Variants in COL15A1 observed in about 807,000 individuals in gnomAD.
COL15A1 encodes collagen alpha-1(XV) chain.
In COL15A1, 111 loss-of-function variants were observed where a neutral mutation model predicts 165.9. The observed-to-expected ratio is 0.67, with a 90% CI of 0.57 to 0.78. The LOEUF (loss-of-function observed/expected upper bound fraction) is 0.78. Ranked by LOEUF, COL15A1 falls within the 30% of genes least tolerant of loss-of-function variation. COL15A1 has a pLI of 0.00. For synonymous variants in COL15A1, 659 were observed against 674.8 expected, an observed-to-expected ratio of 0.98 and a Z score of 0.36; for missense variants, 1,745 against 1,789.7, an observed-to-expected ratio of 0.98 and a Z score of 0.45.
At position 98,998,811 on chromosome 9, in the gene COL15A1, T is replaced by C. The variant is rs1171307515; in HGVS notation, c.952+1730T>C. ...TGTTCCCGGGATCAGCCACACTCCT[T>C]ATCTAGCAGACAAAAGGTCAGTTGA... On this transcript the variant is annotated intron_variant, in intron 6 of 41. Coordinates refer to ENST00000375001, the MANE Select transcript of COL15A1 (RefSeq NM_001855.5). 2.0e-5 allele frequency among the ~76,000 whole-genome samples: 3 copies of C among 152,214 alleles called. No individual in the cohort carries two copies. In the East Asian group the frequency reaches 5.8e-4, roughly 29 times the overall value.
At chr9:99,003,401 C>T in intron 7 of COL15A1, 52 bp from the exon 8 acceptor site, 1 of 1,377,302 alleles carries the variant, frequency 7.3e-7, no homozygotes. Context: ...CAGCCACAGG[C>T]ATGTTGATGG....
chr9:98,990,956 G>C (rs1838411854), intron 5 of COL15A1, among the ~76,000 whole-genome samples: 1 of 152,072 alleles, frequency 6.6e-6, no homozygotes, highest in South Asian at 2.1e-4. Flanking sequence ...CTTCTGGTGG[G>C]TTCCTGGTCT....
chr9:99,028,882 G>A (rs937637712), intron 16 of COL15A1, among the ~76,000 whole-genome samples: 1 of 152,112 alleles, frequency 6.6e-6, no homozygotes, highest in Non-Finnish European at 1.5e-5. Flanking sequence ...ACCTCAAAAA[G>A]AATTTATCAA....
chr9:99,007,307 T>C (rs1185114085), intron 9 of COL15A1, among the ~76,000 whole-genome samples: 2 of 152,226 alleles, frequency 1.3e-5, no homozygotes, highest in Non-Finnish European at 2.9e-5. Context: ...AGATACCTTT[T>C]AAAGGAATAG....
chr9:98,959,431 A>T (rs1473469419), intron 2 of COL15A1, among the ~76,000 whole-genome samples: 1 of 151,912 alleles, frequency 6.6e-6, no homozygotes. Context: ...CCATTCCATG[A>T]ACTAAAGCAA....
intron 2 of COL15A1, among the ~76,000 whole-genome samples, chr9:98,962,646 T>C (rs2118804754): frequency 6.6e-6 from 1 of 152,352 alleles, no homozygotes; most frequent in East Asian, 1.9e-4. Context: ...CTCAGGTTTA[T>C]CTGATGACAG....
chr9:99,004,989 T>C lies in COL15A1; in HGVS notation c.1292T>C (p.Val431Ala), dbSNP rs1588511146. The C allele has an allele frequency of 6.2e-7, 1 of 1,613,884 alleles. No individual in the cohort carries two copies. Among genetic ancestry groups the C allele is most frequent in the African/African-American group, 1.3e-5 (1 of 75,002 alleles). ...CCTGGGGAAGTGGAGGCCAGTGGTGTGGCCCCCGGGGAGCTGGACCTCTCC... is the reference window on the plus strand; with the variant it reads ...CCTGGGGAAGTGGAGGCCAGTGGTGCGGCCCCCGGGGAGCTGGACCTCTCC... ...SMPGEVEASGVAPGELDLSMS... is the reference protein window; with the variant it reads ...SMPGEVEASGAAPGELDLSMS... Residue 431 changes from valine (V) to alanine (A), a missense_variant, in exon 9 of 42, where the codon GTG becomes GCG. Transcript: ENST00000375001.
chr9:99,028,136 C>A (rs1218956822), intron 16 of COL15A1, among the ~76,000 whole-genome samples: 1 of 152,178 alleles, frequency 6.6e-6, no homozygotes, highest in Non-Finnish European at 1.5e-5. Context: ...GTGAAATCAG[C>A]CTCCTTTCTC....
chr9:99,000,856 A>C lies in COL15A1; in HGVS notation c.970A>C (p.Asn324His). Residue 324 changes from asparagine (N) to histidine (H), a missense_variant, in exon 7 of 42, where the codon AAT becomes CAT. Transcript: ENST00000375001. The part of the protein sequence containing the change: ...SPKQGSGEIL[N>H]DTLEGVHSVD... The stretch of plus-strand genomic sequence containing the variant: ...TCCTGTAGGGTCTGGTGAGATCCTG[A>C]ATGACACACTGGAGGGGGTTCATTC... The C allele has an allele frequency of 6.3e-7, 1 of 1,580,882 alleles. No homozygotes were observed. The highest frequency in any genetic ancestry group is 8.7e-7 in the Non-Finnish European group (1 of 1,150,620).
intron 15 of COL15A1, among the ~76,000 whole-genome samples, chr9:99,025,584 A>G (rs1839109754): frequency 6.6e-6 from 1 of 152,232 alleles, no homozygotes; most frequent in East Asian, 1.9e-4. Flanking sequence ...ACACAGATTC[A>G]TAAAGAATCT....
At chr9:98,974,836 G>A (rs1185133766) in intron 2 of COL15A1, among the ~76,000 whole-genome samples, 1 of 152,204 alleles carries the variant, frequency 6.6e-6, no homozygotes, top group Admixed American at 6.5e-5. Flanking sequence ...AGGCGTGTGT[G>A]GGAATGGTAG....
chr9:98,952,685 C>T lies in COL15A1; in HGVS notation c.100+8435C>T, dbSNP rs184816164. Among the ~76,000 whole-genome samples, 130 of 152,276 alleles carry T rather than the reference C, an allele frequency of 8.5e-4. 2 individuals are homozygous for T. Among genetic ancestry groups the T allele is most frequent in the Admixed American group, 7.1e-3 (108 of 15,306 alleles). On this transcript the variant is annotated intron_variant, in intron 2 of 41. Coordinates refer to ENST00000375001, the MANE Select transcript of COL15A1 (RefSeq NM_001855.5). ...TACAGGCATGAGCCACCACACTTGG[C>T]CAGATTAGGGTATAATCTAAAGCCA...
At chr9:99,015,893 G>A in intron 10 of COL15A1, 83 bp from the exon 11 acceptor site, 2 of 1,519,422 alleles carry the variant, frequency 1.3e-6, no homozygotes, top group African/African-American at 2.7e-5. Flanking sequence ...AACTGGGCTG[G>A]CACCACAGAA....
chr9:99,047,788 G>A lies in COL15A1; in HGVS notation c.2682G>A (p.Gly894=), dbSNP rs745508197. ...PGMHGAPGPM[G]PKGPPGHKGE... Reference sequence around the variant, plus strand: ...TCTGGCATTTGTTTTGCCTCTAGGGGCCCAAAGGACCACCAGGACATAAAG... The same window carrying A: ...TCTGGCATTTGTTTTGCCTCTAGGGACCCAAAGGACCACCAGGACATAAAG... The change falls in exon 27 of 42, where the codon GGG becomes GGA. Residue 894 remains glycine (G), a splice_region_variant and synonymous_variant. Transcript: ENST00000375001. 5 of 1,614,060 alleles carry A rather than the reference G, an allele frequency of 3.1e-6. No homozygotes were observed. Among genetic ancestry groups the A allele is most frequent in the Admixed American group, 3.3e-5 (2 of 60,016 alleles).
intron 36 of COL15A1, among the ~76,000 whole-genome samples, chr9:99,060,608 G>A (rs555848360): frequency 1.5e-4 from 23 of 152,046 alleles, no homozygotes; most frequent in Admixed American, 2.6e-4. Flanking sequence ...AAACCTGCTC[G>A]GGTGCGGTGG....
chr9:99,036,102 G>A (rs116990167), intron 19 of COL15A1, 68 bp from the exon 20 acceptor site: 31,816 of 1,293,368 alleles, frequency 0.025, 510 homozygotes, highest in Middle Eastern at 0.041. Flanking sequence ...GGGAGATGGT[G>A]AGACAAGAGG....
chr9:98,988,825 C>A (rs3780623), intron 4 of COL15A1, among the ~76,000 whole-genome samples: 74,759 of 151,698 alleles, frequency 0.49, 19,800 homozygotes, highest in African/African-American at 0.69. Context: ...CGTGAGGCTG[C>A]GGCAGGAGAA....
chr9:99,035,152 G>T lies in COL15A1; in HGVS notation c.2218G>T (p.Glu740Ter). The change falls in exon 18 of 42, where the codon GAG (glutamate) becomes TAG (stop). Residue 740 changes from glutamate (E) to a stop codon, truncating the protein, a stop_gained and splice_region_variant. Transcript: ENST00000375001. LOFTEE classifies it high-confidence loss of function. ...TGGATGCACAATGGGACTTGGATTC[G>T]AGGTACTTTTCCCCTTTTCTGTGGT... ...GPGCTMGLGF[E>*]DTEGSGSTQL... 1 of 1,592,162 alleles carries T rather than the reference G, an allele frequency of 6.3e-7. No individual in the cohort carries two copies. The highest frequency in any genetic ancestry group is 2.2e-5 in the East Asian group (1 of 44,746).
intron 2 of COL15A1, among the ~76,000 whole-genome samples, chr9:98,946,033 G>A (rs1837578605): frequency 6.6e-6 from 1 of 152,172 alleles, no homozygotes; most frequent in Non-Finnish European, 1.5e-5. Flanking sequence ...CAACTGATGG[G>A]TTTTCAGTGC....
Sources: gnomAD v4.1 joint callset for allele counts (sites outside exome capture counted in the v4.1 genomes callset) on GRCh38, gnomAD v4.1.1 for gene constraint, MANE v1.5 for transcripts, NCBI Gene and HGNC (gene_info 2026-07-23, HGNC 2026-07-21) for gene names.